AFF2: variants seen among roughly 807,000 people sequenced by gnomAD.
The protein encoded by AFF2 is AF4/FMR2 family member 2.
Under a neutral mutation model 76.9 loss-of-function variants are expected in AFF2, and 14 were observed. The observed-to-expected ratio is 0.18, with a 90% confidence interval of 0.12 to 0.28. The LOEUF is 0.28. Ranked by LOEUF, AFF2 falls within the 10% of genes least tolerant of loss-of-function variation. AFF2 has a pLI of 1.00. For missense variants in AFF2, 868 were observed against 1,001.1 expected (o/e 0.87, Z 1.79); for synonymous variants, 398 against 366.7 (o/e 1.09, Z -0.98).
At chrX:148,931,408 TG>T (rs1374691837) in intron 9 of AFF2, among the ~76,000 whole-genome samples, 1 of 111,736 alleles carries the variant, frequency 8.9e-6, no homozygotes, top group Non-Finnish European at 1.9e-5. Context: ...TAAAATGTGA[TG>T]GTTATTATAG....
At chrX:148,523,623 G>A (rs1301804550) in intron 1 of AFF2, among the ~76,000 whole-genome samples, 5 of 112,376 alleles carry the variant, frequency 4.4e-5, no homozygotes, top group African/African-American at 1.3e-4. Context: ...GAAAGACAAA[G>A]CCTGCTTTGT....
At chrX:148,736,334 A>G (rs1307937111) in intron 3 of AFF2, among the ~76,000 whole-genome samples, 1 of 111,690 alleles carries the variant, frequency 9.0e-6, no homozygotes. Flanking sequence ...GTGGTATCAC[A>G]TTGTGCTTTT....
chrX:148,873,814 G>T (rs1318580787), intron 7 of AFF2, among the ~76,000 whole-genome samples: 2 of 111,675 alleles, frequency 1.8e-5, no homozygotes, highest in African/African-American at 6.5e-5. Flanking sequence ...TCTGACAGGT[G>T]TGATGTGAAA....
chrX:148,647,523 G>T (rs1169514240), intron 1 of AFF2, among the ~76,000 whole-genome samples: 1 of 111,236 alleles, frequency 9.0e-6, no homozygotes, highest in East Asian at 2.8e-4. Context: ...TGTACATTTT[G>T]ATATAAGGAA....
chrX:148,726,516 A>G (rs2055157195), intron 3 of AFF2, among the ~76,000 whole-genome samples: 1 of 111,418 alleles, frequency 9.0e-6, no homozygotes, highest in South Asian at 3.7e-4. Context: ...GCCACTTTAA[A>G]CTCTGTTCTG....
At chrX:148,987,605 T>G (rs1347423875) in intron 20 of AFF2, 48 bp downstream of exon 20, 4 of 1,075,441 alleles carry the variant, frequency 3.7e-6, no homozygotes, top group Non-Finnish European at 5.1e-6. Context: ...ATGATGGAGT[T>G]AACTTCACTT....
Position 148,734,345 on chromosome X carries a change from T to C in AFF2, c.1041+71577T>C, listed in dbSNP as rs146468974. 8.4e-3 allele frequency among the ~76,000 whole-genome samples: 943 copies of C among 111,868 alleles called. 2 individuals are homozygous for C. Among genetic ancestry groups the C allele is most frequent in the Middle Eastern group, 0.018 (4 of 217 alleles). On this transcript the variant is annotated intron_variant, in intron 3 of 20. Coordinates refer to ENST00000370460, the MANE Select transcript of AFF2 (RefSeq NM_002025.4). ...TGTGCTTGGCACTCTGTTAGGCCTT[T>C]ATGCACATTATCTCATGTGTACCTC...
chrX:148,862,542 G>A (rs1254896768), intron 7 of AFF2, among the ~76,000 whole-genome samples: 2 of 111,421 alleles, frequency 1.8e-5, no homozygotes, highest in Admixed American at 9.6e-5. Context: ...CTCTATTAAC[G>A]CCAGTAATCC....
chrX:148,958,694 TTACTC>T (rs1442659213), intron 12 of AFF2, among the ~76,000 whole-genome samples: 1 of 111,483 alleles, frequency 9.0e-6, no homozygotes, highest in Non-Finnish European at 1.9e-5. Flanking sequence ...CAACATTTCT[TTACTC>T]TAATTCAGAT....
intron 7 of AFF2, among the ~76,000 whole-genome samples, chrX:148,879,681 CACTT>C (rs2071074700): frequency 9.0e-6 from 1 of 110,794 alleles, no homozygotes. Flanking sequence ...AGTCCAATAA[CACTT>C]TATTTATGGA....
rs1431135975 is a variant in AFF2, at chrX:148,501,011, G to T, written c.-87G>T. ...GAGGGCTGGAGAGCCGGGGGCCGCC[G>T]AGAACCGCCAGCGAGCTGTGCCGAG... On this transcript the variant is annotated 5_prime_UTR_variant, in exon 1 of 21. Transcript: ENST00000370460. The T allele has an allele frequency of 1.2e-5, 13 of 1,109,688 alleles. No homozygotes were observed. The African/African-American group carries it at 1.5e-4, about 13-fold the overall frequency. 91.5% of individuals were successfully genotyped at this position (1,109,688 alleles called of 1,213,427 possible).
At chrX:148,920,865 T>C (rs149568462) in intron 9 of AFF2, among the ~76,000 whole-genome samples, 156 of 110,423 alleles carry the variant, frequency 1.4e-3, no homozygotes, top group African/African-American at 4.9e-3. Context: ...TAAAGTTGAG[T>C]TGTGTTGGTG....
chrX:148,856,660 C>G (rs2070789394), intron 7 of AFF2, among the ~76,000 whole-genome samples: 1 of 111,406 alleles, frequency 9.0e-6, no homozygotes, highest in Admixed American at 9.6e-5. Context: ...CTCCTGAGTC[C>G]CAAAACATCC....
At chrX:148,958,486 G>A (rs2072069404) in intron 12 of AFF2, 28 bp downstream of exon 12, 2 of 1,196,340 alleles carry the variant, frequency 1.7e-6, no homozygotes, top group African/African-American at 3.5e-5. Context: ...CTGTCTGATG[G>A]CTTGGTATGA....
chrX:148,653,432 C>T (rs1179567576), intron 2 of AFF2, among the ~76,000 whole-genome samples: 1 of 111,631 alleles, frequency 9.0e-6, no homozygotes, highest in East Asian at 2.8e-4. Flanking sequence ...TCATTTGACA[C>T]AGTGATGGCA....
chrX:148,684,195 G>A (rs986558624), intron 3 of AFF2, among the ~76,000 whole-genome samples: 2 of 112,156 alleles, frequency 1.8e-5, no homozygotes, highest in Non-Finnish European at 3.8e-5. Context: ...AGACCAACAT[G>A]TTAAATGCAC....
chrX:148,550,004 G>A (rs1158940923), intron 1 of AFF2, among the ~76,000 whole-genome samples: 1 of 112,198 alleles, frequency 8.9e-6, no homozygotes, highest in East Asian at 2.8e-4. Flanking sequence ...TTGATTTGCT[G>A]TTGTTTAGCC....
At chrX:148,531,517 G>C (rs1344692007) in intron 1 of AFF2, among the ~76,000 whole-genome samples, 2 of 112,321 alleles carry the variant, frequency 1.8e-5, no homozygotes, top group Non-Finnish European at 3.8e-5. Flanking sequence ...TATAGGTAAT[G>C]CATGAAGTAG....
chrX:148,799,799 G>A (rs1292928422), intron 3 of AFF2, among the ~76,000 whole-genome samples: 6 of 111,848 alleles, frequency 5.4e-5, no homozygotes, highest in Non-Finnish European at 7.5e-5. Flanking sequence ...TTAGCATAGC[G>A]CCTCATTAAT....
Sources: allele counts gnomAD v4.1 joint callset (sites outside exome capture counted in the v4.1 genomes callset), GRCh38; gene constraint gnomAD v4.1.1; transcripts MANE v1.5; gene names NCBI Gene and HGNC (gene_info 2026-07-23, HGNC 2026-07-21).